Variants in RNF111 observed in about 807,000 individuals in gnomAD.
RNF111 encodes ring finger protein 111.
A neutral mutation model predicts 95.1 loss-of-function variants in RNF111; 17 were observed. The observed-to-expected ratio is 0.18, with a 90% CI of 0.12 to 0.27. The LOEUF (loss-of-function observed/expected upper bound fraction) is 0.27, where lower values mean the gene tolerates loss of function less well. Among genes scored for constraint, RNF111 ranks in the 10% least tolerant of loss-of-function variants. RNF111 has a pLI of 1.00. For missense variants in RNF111, 1,189 were observed against 1,210.4 expected, an observed-to-expected ratio of 0.98 and a Z score of 0.26; for synonymous variants, 440 against 414.8, an observed-to-expected ratio of 1.06 and a Z score of -0.74.
At chr15:58,991,729 T>A (rs1490899186) in intron 1 of RNF111, among the ~76,000 whole-genome samples, 2 of 152,220 alleles carry the variant, frequency 1.3e-5, no homozygotes, top group African/African-American at 4.8e-5. Flanking sequence ...AAATGTAAAT[T>A]AATTATTTGG....
At chr15:59,066,641 T>C (rs1172212123) in intron 5 of RNF111, 123 bp from the exon 6 acceptor site, 2 of 812,718 alleles carry the variant, frequency 2.5e-6, no homozygotes, top group African/African-American at 3.5e-5. Context: ...TATCACATTA[T>C]TTACAGAGAT....
intron 1 of RNF111, among the ~76,000 whole-genome samples, chr15:59,007,710 G>T (rs76032918): frequency 6.6e-6 from 1 of 152,120 alleles, no homozygotes; most frequent in Non-Finnish European, 1.5e-5. Flanking sequence ...CTTATTGGGT[G>T]TGTAATGGTA....
intron 1 of RNF111, among the ~76,000 whole-genome samples, chr15:58,993,637 GTATT>G (rs1466415832): frequency 6.6e-5 from 10 of 152,152 alleles, no homozygotes; most frequent in Admixed American, 6.5e-4. Flanking sequence ...TAAATGTTCA[GTATT>G]TATTCAACAA....
At chr15:58,995,126 C>T (rs906238917) in intron 1 of RNF111, among the ~76,000 whole-genome samples, 1 of 152,220 alleles carries the variant, frequency 6.6e-6, no homozygotes, top group African/African-American at 2.4e-5. Context: ...AGCTACTCTG[C>T]TCCTCATCAG....
intron 1 of RNF111, among the ~76,000 whole-genome samples, chr15:59,005,699 G>A (rs1222819611): frequency 2.0e-5 from 3 of 152,162 alleles, no homozygotes; most frequent in African/African-American, 7.2e-5. Flanking sequence ...ATATGTATAT[G>A]TGGTGATCGT....
intron 1 of RNF111, among the ~76,000 whole-genome samples, chr15:58,989,562 T>G (rs937728458): frequency 1.1e-4 from 17 of 152,220 alleles, no homozygotes. Flanking sequence ...GTTTGGTGTC[T>G]GTTGGCCACT....
At position 59,096,734 on chromosome 15, in the gene RNF111, T is replaced by C. The variant is rs1377628794; in HGVS notation, c.*1834T>C. The C allele has an allele frequency of 6.6e-6, 1 of 152,240 alleles. No homozygotes were observed. The highest frequency in any genetic ancestry group is 2.4e-5 in the African/African-American group (1 of 41,466). 9.4% of individuals were successfully genotyped at this position (152,240 alleles called of 1,614,324 possible). ...AGTCAGTGACCTATGTCTGCCATCT[T>C]ACTGGGGAAAAGAGCAAGTAGCCTG... is the stretch of plus-strand genomic sequence containing the variant. On this transcript the variant is annotated 3_prime_UTR_variant, in exon 14 of 14. Coordinates refer to ENST00000348370, the MANE Select transcript of RNF111 (RefSeq NM_017610.8).
intron 1 of RNF111, among the ~76,000 whole-genome samples, chr15:59,013,228 A>G (rs974180138): frequency 2.1e-4 from 32 of 152,356 alleles, no homozygotes; most frequent in Admixed American, 7.8e-4. Flanking sequence ...TTTACATTGC[A>G]AAAATAGTAC....
intron 1 of RNF111, among the ~76,000 whole-genome samples, chr15:59,009,770 C>A (rs1349656280): frequency 6.6e-6 from 1 of 151,956 alleles, no homozygotes; most frequent in Non-Finnish European, 1.5e-5. Flanking sequence ...GACTGGGCAA[C>A]ATGGCAAAAC....
intron 1 of RNF111, among the ~76,000 whole-genome samples, chr15:59,001,031 G>C (rs1373305289): frequency 3.9e-5 from 6 of 152,096 alleles, no homozygotes; most frequent in African/African-American, 1.4e-4. Context: ...TTTTAATGTT[G>C]GTATTAACTA....
intron 1 of RNF111, among the ~76,000 whole-genome samples, chr15:58,993,850 T>C (rs1362513406): frequency 2.0e-5 from 3 of 152,066 alleles, no homozygotes; most frequent in Admixed American, 2.0e-4. Flanking sequence ...TTGTATGTGA[T>C]TGGATTCTTA....
intron 1 of RNF111, among the ~76,000 whole-genome samples, chr15:59,005,466 C>T (rs1402679861): frequency 3.3e-5 from 5 of 152,176 alleles, no homozygotes; most frequent in Admixed American, 3.3e-4. Flanking sequence ...GTTTTGCTCC[C>T]AACATTAGAT....
At chr15:59,090,499 G>C (rs375173509) in intron 11 of RNF111, among the ~76,000 whole-genome samples, 1 of 152,090 alleles carries the variant, frequency 6.6e-6, no homozygotes, top group African/African-American at 2.4e-5. Context: ...CAAAGTACTG[G>C]GATTACAGGC....
chr15:59,008,326 T>C (rs2039634989), intron 1 of RNF111, among the ~76,000 whole-genome samples: 1 of 152,196 alleles, frequency 6.6e-6, no homozygotes, highest in Non-Finnish European at 1.5e-5. Flanking sequence ...CAAGCGATCC[T>C]CCTGCCTCAG....
chr15:59,032,289 A>C (rs142360398), intron 2 of RNF111, among the ~76,000 whole-genome samples: 1 of 152,072 alleles, frequency 6.6e-6, no homozygotes, highest in African/African-American at 2.4e-5. Flanking sequence ...TATGTTCTTC[A>C]TTTATGGTAC....
intron 3 of RNF111, among the ~76,000 whole-genome samples, chr15:59,053,878 T>C (rs1167658773): frequency 9.9e-5 from 15 of 151,654 alleles, no homozygotes; most frequent in Non-Finnish European, 2.1e-4. Context: ...CTTATTGTTA[T>C]TAAGAGATAT....
chr15:59,077,177 G>T (rs2078589857), intron 7 of RNF111, among the ~76,000 whole-genome samples: 1 of 152,150 alleles, frequency 6.6e-6, no homozygotes, highest in Non-Finnish European at 1.5e-5. Flanking sequence ...TGTGATGCAT[G>T]GCCTATTTTG....
chr15:59,067,606 A>G (rs1282567296), intron 6 of RNF111, among the ~76,000 whole-genome samples: 1 of 152,202 alleles, frequency 6.6e-6, no homozygotes, highest in Non-Finnish European at 1.5e-5. Context: ...AATTATTACA[A>G]CTAATTGAAT....
chr15:59,050,917 T>C (rs2041949293), intron 2 of RNF111, among the ~76,000 whole-genome samples: 1 of 152,168 alleles, frequency 6.6e-6, no homozygotes. Flanking sequence ...GTATCAAAAA[T>C]TAATGGGGTA....
Sources: allele counts gnomAD v4.1 joint callset (sites outside exome capture counted in the v4.1 genomes callset), GRCh38; gene constraint gnomAD v4.1.1; transcripts MANE v1.5; gene names NCBI Gene and HGNC (gene_info 2026-07-23, HGNC 2026-07-21).